The following CEP192 variants were observed in gnomAD, a reference collection of about 807,000 sequenced individuals.
The protein encoded by CEP192 is centrosomal protein 192.
In CEP192, 151 loss-of-function variants were observed where a neutral mutation model predicts 271.8. That is an observed-to-expected ratio of 0.56 (90% CI 0.49 to 0.64). CEP192 has a LOEUF of 0.64. CEP192 is among the 30% of genes least tolerant of loss of function. CEP192 has a pLI of 0.00. For synonymous variants in CEP192, 995 were observed against 1,076.5 expected (o/e 0.92, Z 1.48); for missense variants, 2,910 against 3,020.5 (o/e 0.96, Z 0.86).
chr18:13,105,435 G>A (rs1266157679), intron 40 of CEP192, among the ~76,000 whole-genome samples: 1 of 152,178 alleles, frequency 6.6e-6, no homozygotes. Context: ...ATATCTTCAT[G>A]GGTGACAGAT....
chr18:13,088,924 TC>T (rs927787335), intron 32 of CEP192: 20 of 447,340 alleles, frequency 4.5e-5, no homozygotes, highest in African/African-American at 4.0e-4. Context: ...TGTTTTTTTT[TC>T]TCTCAATTGG....
At chr18:13,018,124 G>A (rs1037934926) in intron 7 of CEP192, among the ~76,000 whole-genome samples, 11 of 152,238 alleles carry the variant, frequency 7.2e-5, no homozygotes, top group African/African-American at 2.4e-4. Context: ...GCCCTACACC[G>A]GGAGACGTTT....
At chr18:13,097,838 C>T (rs150893238) in intron 36 of CEP192, among the ~76,000 whole-genome samples, 21,114 of 151,334 alleles carry the variant, frequency 0.14, 1,627 homozygotes, top group East Asian at 0.31. Context: ...TAGGGAGTGG[C>T]GATGACTCTT....
rs1416835824 is a variant in CEP192 at position 13,068,410 on chromosome 18, A to C, written c.4810A>C (p.Ile1604Leu). 3 of 1,611,272 alleles carry C rather than the reference A, an allele frequency of 1.9e-6. No individual in the cohort carries two copies. In the East Asian group the frequency reaches 6.7e-5, roughly 36 times the overall value. ...TCTTTTCCATAGTCCAAAGAAACAG[A>C]TCAGCTCTTCAGGTATCATGTTTAC... ...WVLFHSPKKQ[I>L]SSSDILDSAE... Residue 1604 changes from isoleucine to leucine, a missense_variant, in exon 24 of 45, where the codon ATC becomes CTC. Physicochemically the swap from Ile to Leu is conservative, Grantham distance 5 (BLOSUM62 2). Coordinates refer to ENST00000506447, the MANE Select transcript of CEP192 (RefSeq NM_032142.4).
At chr18:13,025,180 ATTC>A (rs1330961323) in intron 9 of CEP192, among the ~76,000 whole-genome samples, 1 of 151,672 alleles carries the variant, frequency 6.6e-6, no homozygotes. Flanking sequence ...TTTCAGTCTT[ATTC>A]TTCTCTTTGT....
Position 13,069,015 on chromosome 18 carries a change from C to A in CEP192, c.4962+24C>A, listed in dbSNP as rs779865842. 2.5e-6 allele frequency: 4 copies of A among 1,613,972 alleles called. No individual in the cohort carries two copies. The African/African-American group carries it at 4.0e-5, about 16-fold the overall frequency. The stretch of plus-strand genomic sequence containing the variant: ...AGGTAGCCTCAGTCCTCCTTTCTGC[C>A]GTTACTGCTTTCATTCATGCTGATT... On this transcript the variant is annotated intron_variant, in intron 25 of 44. Transcript: ENST00000506447.
chr18:13,041,772 G>C (rs1392286881), intron 14 of CEP192, among the ~76,000 whole-genome samples: 4 of 151,972 alleles, frequency 2.6e-5, no homozygotes, highest in Non-Finnish European at 4.4e-5. Context: ...CCCCATGTTG[G>C]CCAGGCTGGT....
chr18:13,117,058 C>T (rs62095836), intron 43 of CEP192, among the ~76,000 whole-genome samples: 1 of 129,078 alleles, frequency 7.7e-6, no homozygotes, highest in Non-Finnish European at 1.7e-5. Context: ...TCCATCTCTA[C>T]CAAAAAAAAA....
chr18:13,001,115 A>C (rs765135114), intron 2 of CEP192, among the ~76,000 whole-genome samples: 2 of 152,222 alleles, frequency 1.3e-5, no homozygotes, highest in Non-Finnish European at 2.9e-5. Context: ...CATAATATAT[A>C]AAGTTTGCCT....
At chr18:13,092,647 C>A in intron 34 of CEP192, 120 bp downstream of exon 34, 2 of 752,206 alleles carry the variant, frequency 2.7e-6, no homozygotes, top group South Asian at 1.9e-5. Context: ...TTTTATTTCA[C>A]CTTTATTTTA....
intron 27 of CEP192, among the ~76,000 whole-genome samples, 181 bp downstream of exon 27, chr18:13,070,037 TG>T (rs1460598825): frequency 6.6e-6 from 1 of 152,028 alleles, no homozygotes; most frequent in Non-Finnish European, 1.5e-5. Context: ...GGTGTGCACC[TG>T]TAGTTTCAGC....
chr18:13,073,865 G>A (rs1238500286), intron 30 of CEP192, among the ~76,000 whole-genome samples: 1 of 152,198 alleles, frequency 6.6e-6, no homozygotes, highest in African/African-American at 2.4e-5. Flanking sequence ...TGAATTTGCG[G>A]GGGGACATCA....
intron 37 of CEP192, 129 bp from the exon 38 acceptor site, chr18:13,100,176 T>C (rs1165025135): frequency 3.0e-6 from 2 of 665,314 alleles, no homozygotes; most frequent in Non-Finnish European, 5.2e-6. Context: ...AAATAAACTT[T>C]AATTCCTAAA....
chr18:13,030,412 T>A (rs2035551769), intron 10 of CEP192, 53 bp from the exon 11 acceptor site: 2 of 1,422,986 alleles, frequency 1.4e-6, no homozygotes, highest in Non-Finnish European at 1.9e-6. Context: ...GAATGTTTTG[T>A]CATTTTAGTT....
At chr18:13,072,977 G>T (rs767744641) in intron 29 of CEP192, 32 bp from the exon 30 acceptor site, 2 of 1,593,822 alleles carry the variant, frequency 1.3e-6, no homozygotes, top group African/African-American at 2.7e-5. Context: ...CTACTGCTTT[G>T]TTTTATGCAT....
chr18:13,095,917 C>T (rs1376877923), intron 35 of CEP192, among the ~76,000 whole-genome samples: 1 of 152,188 alleles, frequency 6.6e-6, no homozygotes, highest in African/African-American at 2.4e-5. Context: ...AGCCACACCT[C>T]TGCCCACAGA....
chr18:13,078,698 A>T (rs2038424149), intron 30 of CEP192, among the ~76,000 whole-genome samples: 1 of 152,082 alleles, frequency 6.6e-6, no homozygotes. Flanking sequence ...GGTTTGTTAC[A>T]TATGTATACA....
At chr18:13,123,266 T>C (rs2040757785) in intron 44 of CEP192, among the ~76,000 whole-genome samples, 1 of 152,206 alleles carries the variant, frequency 6.6e-6, no homozygotes, top group African/African-American at 2.4e-5. Context: ...TTTTAAAAAG[T>C]ACATTATCTT....
chr18:13,092,592 T>C (rs1316721488), intron 34 of CEP192, 65 bp downstream of exon 34: 1 of 1,207,700 alleles, frequency 8.3e-7, no homozygotes, highest in Non-Finnish European at 1.2e-6. Context: ...GCAAAGCTGA[T>C]CTTTTTTCCT....
Sources: gnomAD v4.1 joint callset for allele counts (sites outside exome capture counted in the v4.1 genomes callset) on GRCh38, gnomAD v4.1.1 for gene constraint, MANE v1.5 for transcripts, NCBI Gene and HGNC (gene_info 2026-07-23, HGNC 2026-07-21) for gene names.